GK: variants seen among roughly 807,000 people sequenced by gnomAD.
GK encodes ATP:glycerol 3-phosphotransferase.
GK carries 9 observed loss-of-function variants against 56.4 expected under a neutral mutation model. The observed-to-expected ratio is 0.16, with a 90% CI of 0.10 to 0.28. GK has a LOEUF of 0.28. Ranked by LOEUF, GK falls within the 10% of genes least tolerant of loss-of-function variation. GK has a pLI of 1.00. For missense variants in GK, 161 were observed against 431.4 expected (o/e 0.37, Z 5.55); for synonymous variants, 104 against 144.1 (o/e 0.72, Z 1.99).
At chrX:30,701,630 A>T (rs187568223) in intron 11 of GK, among the ~76,000 whole-genome samples, 7 of 111,674 alleles carry the variant, frequency 6.3e-5, no homozygotes, top group African/African-American at 2.3e-4. Context: ...TTTCAAGGTT[A>T]TTTTCCTGGC....
intron 17 of GK, 53 bp from the exon 18 acceptor site, chrX:30,720,799 G>C: frequency 8.3e-7 from 1 of 1,208,621 alleles, no homozygotes. Flanking sequence ...GGAATAACTA[G>C]TTCTTTGGGC....
intron 4 of GK, among the ~76,000 whole-genome samples, chrX:30,680,135 G>A (rs1934197871): frequency 9.0e-6 from 1 of 111,458 alleles, no homozygotes; most frequent in South Asian, 3.7e-4. Context: ...GTAAAGAAAT[G>A]GATGAGTTTC....
intron 11 of GK, among the ~76,000 whole-genome samples, chrX:30,701,750 G>A (rs1197821705): frequency 8.9e-6 from 1 of 112,395 alleles, no homozygotes; most frequent in Non-Finnish European, 1.9e-5. Flanking sequence ...GATAGAAGTA[G>A]AGATTTGGTA....
intron 4 of GK, among the ~76,000 whole-genome samples, chrX:30,690,483 G>A (rs1180724065): frequency 2.7e-5 from 3 of 111,435 alleles, no homozygotes; most frequent in Non-Finnish European, 3.8e-5. Context: ...ACTTAGTAAA[G>A]ATAATGTTGA....
intron 11 of GK, among the ~76,000 whole-genome samples, chrX:30,701,236 C>T (rs928187830): frequency 7.2e-5 from 8 of 110,694 alleles, no homozygotes; most frequent in Non-Finnish European, 1.3e-4. Context: ...ATGGAGAAAC[C>T]CCATCTCTAC....
intron 3 of GK, among the ~76,000 whole-genome samples, chrX:30,670,778 T>C (rs1176947654): frequency 1.9e-5 from 2 of 107,431 alleles, no homozygotes; most frequent in Admixed American, 1.0e-4. Context: ...AGGTCAGGAG[T>C]TCGAGACCAG....
rs751509749 is a variant in GK at position 30,723,742 on chromosome X, C to A, written c.1502-359C>A. ...GGCTCAAATGATCCTCCTGCTTCAG[C>A]CTCCCAGGTAGCTGGTACTACAGGC... On this transcript the variant is annotated intron_variant, in intron 18 of 20. Coordinates refer to ENST00000427190, the MANE Select transcript of GK (RefSeq NM_001205019.2). 1.6e-4 allele frequency: 34 copies of A among 219,266 alleles called. No homozygotes were observed. The South Asian group carries it at 2.3e-3, about 15-fold the overall frequency. The allele number at this position is 219,266 out of a possible 1,213,427, so 18.1% of individuals were successfully genotyped here.
Position 30,728,934 on chromosome X carries a change from A to G in GK, c.*192A>G. ...GCAGCAAAAAGAATGCTATAGAAAT[A>G]TTTGGTGGTTTTTTTTTTTTTTAAA... On this transcript the variant is annotated 3_prime_UTR_variant, in exon 21 of 21. Coordinates refer to ENST00000427190, the MANE Select transcript of GK (RefSeq NM_001205019.2). 2.5e-6 allele frequency: 1 copy of G among 400,268 alleles called. No homozygotes were observed. Among genetic ancestry groups the G allele is most frequent in the Non-Finnish European group, 4.3e-6 (1 of 232,458 alleles). The allele number at this position is 400,268 out of a possible 1,213,427, so 33.0% of individuals were successfully genotyped here.
At chrX:30,697,482 A>G (rs2147206854) in intron 8 of GK, among the ~76,000 whole-genome samples, 1 of 112,101 alleles carries the variant, frequency 8.9e-6, no homozygotes, top group Non-Finnish European at 1.9e-5. Flanking sequence ...TAACTGTTTT[A>G]TTTATAATAA....
At chrX:30,707,352 A>G (rs1235886550) in intron 11 of GK, among the ~76,000 whole-genome samples, 6 of 110,216 alleles carry the variant, frequency 5.4e-5, no homozygotes, top group Non-Finnish European at 9.5e-5. Context: ...AAAAGATTGC[A>G]CTAAGTACAT....
intron 1 of GK, among the ~76,000 whole-genome samples, chrX:30,658,264 G>A (rs1024113996): frequency 8.9e-6 from 1 of 111,933 alleles, no homozygotes; most frequent in Non-Finnish European, 1.9e-5. Context: ...AAACTGATTT[G>A]GCTCACAGTT....
intron 2 of GK, 42 bp from the exon 3 acceptor site, chrX:30,667,970 G>A (rs146501451): frequency 1.2e-3 from 849 of 712,356 alleles, no homozygotes; most frequent in Non-Finnish European, 1.6e-3. Context: ...AGTTATATTT[G>A]TGTTGCTTTC....
intron 4 of GK, among the ~76,000 whole-genome samples, chrX:30,678,285 C>T (rs1601893109): frequency 8.9e-6 from 1 of 112,147 alleles, no homozygotes; most frequent in East Asian, 2.8e-4. Context: ...TTAGGTATCA[C>T]AACTTATTAG....
intron 3 of GK, among the ~76,000 whole-genome samples, chrX:30,675,829 G>A (rs972005725): frequency 7.3e-5 from 8 of 109,437 alleles, no homozygotes; most frequent in South Asian, 3.9e-4. Flanking sequence ...TCCCTCTGTC[G>A]CCTAGGCTGG....
chrX:30,687,085 A>T (rs1180568285), intron 4 of GK, among the ~76,000 whole-genome samples: 1 of 111,189 alleles, frequency 9.0e-6, no homozygotes, highest in African/African-American at 3.3e-5. Context: ...CAGCCCTTTC[A>T]TGTCTTAATG....
At chrX:30,717,016 C>T (rs1323541877) in intron 13 of GK, among the ~76,000 whole-genome samples, 1 of 111,797 alleles carries the variant, frequency 8.9e-6, no homozygotes, top group Non-Finnish European at 1.9e-5. Context: ...TGTAGCTTTG[C>T]AGTAACATAG....
At chrX:30,702,215 T>C (rs761989848) in intron 11 of GK, among the ~76,000 whole-genome samples, 1 of 110,959 alleles carries the variant, frequency 9.0e-6, no homozygotes, top group East Asian at 2.8e-4. Flanking sequence ...GCTAATTTTG[T>C]ATTTTTAGTA....
rs759349335 is a variant in GK, at chrX:30,706,434, C to T, written c.852-1122C>T. On this transcript the variant is annotated intron_variant, in intron 11 of 20. Coordinates refer to ENST00000427190, the MANE Select transcript of GK (RefSeq NM_001205019.2). Reference sequence around the variant, plus strand: ...TTCAGTTGCTGGAATGTCACCAGCACAGTTAGAACCCTGGTGGTGCAGGGC... The same window carrying T: ...TTCAGTTGCTGGAATGTCACCAGCATAGTTAGAACCCTGGTGGTGCAGGGC... Among the ~76,000 whole-genome samples the T allele has an allele frequency of 9.8e-5, 11 of 111,847 alleles. No homozygotes were observed. The South Asian group carries it at 4.1e-3, about 42-fold the overall frequency.
chrX:30,672,989 T>A (rs1397193445), intron 3 of GK, among the ~76,000 whole-genome samples: 1 of 112,230 alleles, frequency 8.9e-6, no homozygotes, highest in Non-Finnish European at 1.9e-5. Flanking sequence ...AGGATGCATC[T>A]CATCCATAAT....
Sources: allele counts gnomAD v4.1 joint callset (sites outside exome capture counted in the v4.1 genomes callset), GRCh38; gene constraint gnomAD v4.1.1; transcripts MANE v1.5; gene names NCBI Gene and HGNC (gene_info 2026-07-23, HGNC 2026-07-21).